Variants in CA6 observed in about 807,000 individuals in gnomAD.
CA6 encodes carbonic anhydrase 6.
Under a neutral mutation model 35.9 loss-of-function variants are expected in CA6, and 28 were observed. The observed-to-expected ratio is 0.78, with a 90% confidence interval of 0.58 to 1.07. The LOEUF is 1.07. Ranked by LOEUF, CA6 falls within the 50% of genes least tolerant of loss-of-function variation. The pLI is 0.00. For synonymous variants in CA6, 148 were observed against 152.6 expected (o/e 0.97, Z 0.22); for missense variants, 377 against 382.0 (o/e 0.99, Z 0.11).
intron 2 of CA6, among the ~76,000 whole-genome samples, chr1:8,950,359 C>G (rs1336826601): frequency 1.3e-5 from 2 of 152,140 alleles, no homozygotes; most frequent in Admixed American, 1.3e-4. Context: ...CTCCTCTGAG[C>G]CTCATGACCA....
chr1:8,960,940 A>C (rs1639827284), intron 4 of CA6, among the ~76,000 whole-genome samples: 1 of 152,168 alleles, frequency 6.6e-6, no homozygotes, highest in Admixed American at 6.6e-5. Context: ...AAGTCTGATA[A>C]ATAAACCCCA....
chr1:8,954,612 G>C (rs1639626779), intron 2 of CA6, among the ~76,000 whole-genome samples: 1 of 152,180 alleles, frequency 6.6e-6, no homozygotes, highest in South Asian at 2.1e-4. Context: ...GGAAATAATT[G>C]ACATTGAGAT....
Position 8,968,124 on chromosome 1 carries a change from C to T in CA6, c.729+308C>T, listed in dbSNP as rs146631751. Among the ~76,000 whole-genome samples the T allele has an allele frequency of 5.1e-3, 777 of 152,086 alleles. 3 individuals carry two copies. Among genetic ancestry groups the T allele is most frequent in the African/African-American group, 0.018 (739 of 41,490 alleles). The stretch of plus-strand genomic sequence containing the variant: ...CTGGGACTCCAGGAGTGTGCCACCA[C>T]GCCCGGCTAGTTTTTATTTTTAGTA... On this transcript the variant is annotated intron_variant, in intron 6 of 7. Coordinates refer to ENST00000377443, the MANE Select transcript of CA6 (RefSeq NM_001215.4).
At chr1:8,947,850 C>CTTTTTTTTT (rs527410056) in intron 1 of CA6, among the ~76,000 whole-genome samples, 1,585 of 140,360 alleles carry the variant, frequency 0.011, 36 homozygotes, top group African/African-American at 0.039. Context: ...GTACAGACAC[C>CTTTTTTTTT]TTTTTTTTTT....
intron 7 of CA6, among the ~76,000 whole-genome samples, chr1:8,973,748 CT>C (rs1279324909): frequency 4.7e-3 from 96 of 20,262 alleles, no homozygotes; most frequent in East Asian, 0.032. Context: ...TTCTTTCTTT[CT>C]TTCTTTCTTT....
chr1:8,954,946 C>G lies in CA6; in HGVS notation c.260-2191C>G, dbSNP rs61784251. Among the ~76,000 whole-genome samples, 1,019 of 152,290 alleles carry G rather than the reference C, an allele frequency of 6.7e-3. 3 individuals carry two copies. The highest frequency in any genetic ancestry group is 0.012 in the Non-Finnish European group (814 of 68,028). On this transcript the variant is annotated intron_variant, in intron 2 of 7. Coordinates refer to ENST00000377443, the MANE Select transcript of CA6 (RefSeq NM_001215.4). ...AGAGAAATTCAAATTGAAACACAGGCTGTTGAAACAAAGACAAGTTGCTAC... is the reference window on the plus strand; with the variant it reads ...AGAGAAATTCAAATTGAAACACAGGGTGTTGAAACAAAGACAAGTTGCTAC...
At chr1:8,970,718 C>G in intron 6 of CA6, 149 bp from the exon 7 acceptor site, 1 of 641,938 alleles carries the variant, frequency 1.6e-6, no homozygotes, top group Non-Finnish European at 2.9e-6. Flanking sequence ...CCAGGCTGGT[C>G]TCCAACTCCT....
At chr1:8,971,288 C>T (rs1394511135) in intron 7 of CA6, among the ~76,000 whole-genome samples, 2 of 150,326 alleles carry the variant, frequency 1.3e-5, no homozygotes, top group African/African-American at 2.4e-5. Context: ...GAAGCTCTCA[C>T]AAGAGTGTAG....
At chr1:8,960,861 C>A (rs569809918) in intron 4 of CA6, among the ~76,000 whole-genome samples, 2 of 150,264 alleles carry the variant, frequency 1.3e-5, no homozygotes, top group South Asian at 4.2e-4. Context: ...CAAAACAAAA[C>A]AATGGCCCAA....
At chr1:8,955,662 C>T (rs1350494253) in intron 2 of CA6, among the ~76,000 whole-genome samples, 1 of 152,040 alleles carries the variant, frequency 6.6e-6, no homozygotes, top group Admixed American at 6.5e-5. Context: ...TAAGGCCCTT[C>T]CGTCCTTTTC....
In CA6 at chr1:8,967,860, C is replaced by T. The variant is rs753454478; in HGVS notation, c.729+44C>T. 2.5e-5 allele frequency: 39 copies of T among 1,583,388 alleles called. 1 individual carries two copies. The highest frequency in any genetic ancestry group is 3.4e-4 in the Middle Eastern group (2 of 5,962). On this transcript the variant is annotated intron_variant, in intron 6 of 7. Transcript: ENST00000377443. Reference sequence around the variant, plus strand: ...TTGCCGAAGTCTTCCCATTCGATTGCCTGGTTAACAAGGGTTCTCCCCAGC... The same window carrying T: ...TTGCCGAAGTCTTCCCATTCGATTGTCTGGTTAACAAGGGTTCTCCCCAGC...
intron 2 of CA6, among the ~76,000 whole-genome samples, chr1:8,952,814 G>A (rs1426149418): frequency 1.3e-5 from 2 of 151,870 alleles, no homozygotes; most frequent in Admixed American, 6.6e-5. Flanking sequence ...GTGCCACCAC[G>A]CCTGGCTAAT....
At chr1:8,969,526 G>C (rs1480994581) in intron 6 of CA6, among the ~76,000 whole-genome samples, 1 of 152,018 alleles carries the variant, frequency 6.6e-6, no homozygotes, top group Non-Finnish European at 1.5e-5. Flanking sequence ...AAGAGAGGCA[G>C]AGTAGGGAAG....
intron 2 of CA6, among the ~76,000 whole-genome samples, chr1:8,956,873 G>T (rs945771449): frequency 3.3e-5 from 5 of 152,226 alleles, no homozygotes; most frequent in African/African-American, 1.2e-4. Flanking sequence ...GTTGGTTCTG[G>T]GCGGGAAGGA....
intron 2 of CA6, chr1:8,951,690 C>A (rs1238745854): frequency 1.3e-6 from 1 of 764,138 alleles, no homozygotes; most frequent in African/African-American, 1.7e-5. Flanking sequence ...GGACCCTGTA[C>A]CTTCTTCCTT....
chr1:8,962,837 G>A (rs530440792), intron 5 of CA6, among the ~76,000 whole-genome samples, 181 bp downstream of exon 5: 1 of 152,312 alleles, frequency 6.6e-6, no homozygotes, highest in Admixed American at 6.5e-5. Flanking sequence ...TGTTGGCTTA[G>A]GCAGCAAACC....
intron 1 of CA6, among the ~76,000 whole-genome samples, chr1:8,947,618 G>A (rs1639402614): frequency 6.6e-6 from 1 of 152,134 alleles, no homozygotes; most frequent in Non-Finnish European, 1.5e-5. Context: ...TGAAGTCCTT[G>A]TCCTTCCCAG....
chr1:8,970,932 GA>G lies in CA6; in HGVS notation c.796del (p.Thr266ProfsTer4). ...NKTIHNDYRR[T>X]QPLNHRVVES... is the part of the protein sequence containing the mutation. The stretch of plus-strand genomic sequence containing the variant: ...AGACCATCCACAACGATTACCGCAG[GA>G]CCCAGCCCCTGAACCACAGAGTGGT... On this transcript the variant is annotated frameshift_variant, in exon 7 of 8. Coordinates refer to ENST00000377443, the MANE Select transcript of CA6 (RefSeq NM_001215.4). LOFTEE classifies it low-confidence loss of function (END_TRUNC). 1 of 1,614,082 alleles carries G rather than the reference GA, an allele frequency of 6.2e-7. No homozygotes were observed.
chr1:8,949,442 G>A lies in CA6; in HGVS notation c.259G>A (p.Val87Met), dbSNP rs184882194. 1.1e-5 allele frequency: 18 copies of A among 1,610,740 alleles called. No homozygotes were observed. The African/African-American group carries it at 2.4e-4, about 22-fold the overall frequency. The change falls in exon 2 of 8, where the codon GTG becomes ATG. Residue 87 changes from valine (V) to methionine (M), a missense_variant and splice_region_variant. Coordinates refer to ENST00000377443, the MANE Select transcript of CA6 (RefSeq NM_001215.4). ...EFPMVNNGHT[V>M]QISLPSTMRM... Reference sequence around the variant, plus strand: ...CCCCATGGTCAACAATGGCCACACAGGTAAGAGGAAGGGGTGGTGAGGGGC... The same window carrying A: ...CCCCATGGTCAACAATGGCCACACAAGTAAGAGGAAGGGGTGGTGAGGGGC...
Sources: gnomAD v4.1 joint callset for allele counts (sites outside exome capture counted in the v4.1 genomes callset) on GRCh38, gnomAD v4.1.1 for gene constraint, MANE v1.5 for transcripts, NCBI Gene and HGNC (gene_info 2026-07-23, HGNC 2026-07-21) for gene names.